The following EPS15 variants were observed in gnomAD, a reference collection of about 807,000 sequenced individuals.
EPS15 encodes the protein epidermal growth factor receptor substrate 15.
Under a neutral mutation model 113.8 loss-of-function variants are expected in EPS15, and 72 were observed. The observed-to-expected ratio is 0.63, with a 90% CI of 0.52 to 0.77. EPS15 has a LOEUF of 0.77. Among genes scored for constraint, EPS15 ranks in the 30% least tolerant of loss-of-function variants. The pLI is 0.00. For missense variants in EPS15, 1,048 were observed against 1,045.8 expected, an observed-to-expected ratio of 1.00 and a Z score of -0.03; for synonymous variants, 344 against 363.4, an observed-to-expected ratio of 0.95 and a Z score of 0.61.
intron 7 of EPS15, chr1:51,461,604 G>C (rs1305391195): frequency 6.6e-6 from 1 of 150,530 alleles, no homozygotes; most frequent in East Asian, 2.0e-4. Flanking sequence ...TAATTGCCTT[G>C]AAAGGAGTTT....
chr1:51,417,188 A>C (rs1650304690), intron 13 of EPS15, among the ~76,000 whole-genome samples: 1 of 152,202 alleles, frequency 6.6e-6, no homozygotes, highest in African/African-American at 2.4e-5. Context: ...CATCTAAGAA[A>C]AAAACTAAGT....
At chr1:51,455,272 T>C (rs533343913) in intron 8 of EPS15, among the ~76,000 whole-genome samples, 73 of 152,316 alleles carry the variant, frequency 4.8e-4, no homozygotes, top group Middle Eastern at 6.8e-3. Context: ...TTTAGATACA[T>C]TTCTAGTTTT....
At chr1:51,434,579 A>C (rs1651988289) in intron 12 of EPS15, among the ~76,000 whole-genome samples, 1 of 152,074 alleles carries the variant, frequency 6.6e-6, no homozygotes, top group Non-Finnish European at 1.5e-5. Flanking sequence ...GAGTATGGGG[A>C]GTTATTGTTT....
chr1:51,393,226 T>C (rs1647565879), intron 21 of EPS15, among the ~76,000 whole-genome samples: 1 of 135,484 alleles, frequency 7.4e-6, no homozygotes, highest in Non-Finnish European at 1.8e-5. Flanking sequence ...AGAGCCAGCC[T>C]TTTTTTTGGA....
intron 21 of EPS15, among the ~76,000 whole-genome samples, chr1:51,382,879 A>C (rs1381763625): frequency 6.6e-6 from 1 of 152,196 alleles, no homozygotes; most frequent in African/African-American, 2.4e-5. Flanking sequence ...ACAATTCCAT[A>C]CTCATTCTGT....
At chr1:51,446,578 C>T (rs1347974167) in intron 10 of EPS15, among the ~76,000 whole-genome samples, 3 of 151,964 alleles carry the variant, frequency 2.0e-5, no homozygotes, top group Admixed American at 1.3e-4. Flanking sequence ...CTCACCCTCC[C>T]GAGTAGCTGG....
intron 12 of EPS15, among the ~76,000 whole-genome samples, chr1:51,426,890 C>CAT (rs1222099162): frequency 4.6e-5 from 7 of 151,090 alleles, no homozygotes; most frequent in Admixed American, 6.6e-5. Flanking sequence ...TATACACACA[C>CAT]ATATATATAC....
intron 10 of EPS15, among the ~76,000 whole-genome samples, chr1:51,446,454 T>C (rs1378084304): frequency 9.9e-6 from 1 of 101,330 alleles, no homozygotes; most frequent in African/African-American, 5.3e-5. Flanking sequence ...ACTGTCATTC[T>C]TTTTTTTTTT....
chr1:51,426,754 C>T (rs549264459), intron 12 of EPS15, among the ~76,000 whole-genome samples: 4 of 151,530 alleles, frequency 2.6e-5, no homozygotes, highest in African/African-American at 9.7e-5. Flanking sequence ...AGCCTGCCAG[C>T]CTGTCCTAGA....
rs774906781 is a variant in EPS15, at chr1:51,481,260, AC to A, written c.75+12del. 1.5e-6 allele frequency: 2 copies of A among 1,318,492 alleles called. No individual in the cohort carries two copies. Among genetic ancestry groups the A allele is most frequent in the Non-Finnish European group, 2.2e-6 (2 of 913,158 alleles). 81.7% of individuals were successfully genotyped at this position (1,318,492 alleles called of 1,614,324 possible). A position where few individuals can be genotyped will look rare whatever the true frequency, so the allele number is the denominator to read the frequency against. On this transcript the variant is annotated intron_variant, in intron 2 of 24. Coordinates refer to ENST00000371733, the MANE Select transcript of EPS15 (RefSeq NM_001981.3). The stretch of plus-strand genomic sequence containing the variant: ...ATGTTCAATCCAGGCAAACAATGAA[AC>A]AAAAATCTTACCTGTCTATAGTATT...
chr1:51,400,234 T>C (rs1648384676), intron 19 of EPS15, among the ~76,000 whole-genome samples: 1 of 152,190 alleles, frequency 6.6e-6, no homozygotes, highest in South Asian at 2.1e-4. Flanking sequence ...TTCAAGATTC[T>C]CTGCCTCTAA....
chr1:51,380,859 T>C (rs1052650502), intron 21 of EPS15, among the ~76,000 whole-genome samples: 1 of 152,084 alleles, frequency 6.6e-6, no homozygotes, highest in Non-Finnish European at 1.5e-5. Flanking sequence ...AGATATTTCA[T>C]GCAAATAGAA....
intron 21 of EPS15, among the ~76,000 whole-genome samples, chr1:51,376,138 A>C (rs1393937724): frequency 6.6e-6 from 1 of 152,256 alleles, no homozygotes; most frequent in Non-Finnish European, 1.5e-5. Flanking sequence ...TGAAGCATCA[A>C]AGGACAGGTT....
intron 1 of EPS15, among the ~76,000 whole-genome samples, chr1:51,498,646 A>G (rs1342428111): frequency 6.6e-6 from 1 of 152,316 alleles, no homozygotes; most frequent in East Asian, 1.9e-4. Context: ...TGGGTTTATC[A>G]GGATGCAACC....
chr1:51,360,573 C>A, intron 24 of EPS15, among the ~76,000 whole-genome samples: 1 of 151,998 alleles, frequency 6.6e-6, no homozygotes, highest in East Asian at 1.9e-4. Context: ...GAATTAGGGC[C>A]CTCCAAATAA....
chr1:51,390,273 T>C (rs929021880), intron 21 of EPS15, among the ~76,000 whole-genome samples: 1 of 152,062 alleles, frequency 6.6e-6, no homozygotes, highest in Non-Finnish European at 1.5e-5. Context: ...TGTAGAAAGC[T>C]GAAACTGGAT....
rs181738331 is a variant in EPS15 at position 51,455,459 on chromosome 1, G to A, written c.561+5632C>T. Among the ~76,000 whole-genome samples the A allele has an allele frequency of 1.4e-4, 21 of 151,916 alleles. No homozygotes were observed. The East Asian group carries it at 3.7e-3, about 27-fold the overall frequency. On this transcript the variant is annotated intron_variant, in intron 8 of 24. Coordinates refer to ENST00000371733, the MANE Select transcript of EPS15 (RefSeq NM_001981.3). Reference sequence around the variant, plus strand: ...ACAAAAATTAGCCAGGCGTGGTGGCGGGCACCTGTAATCCCAGCTACTCAG... The same window carrying A: ...ACAAAAATTAGCCAGGCGTGGTGGCAGGCACCTGTAATCCCAGCTACTCAG...
chr1:51,384,443 G>A (rs1180095186), intron 21 of EPS15, among the ~76,000 whole-genome samples: 1 of 151,716 alleles, frequency 6.6e-6, no homozygotes, highest in African/African-American at 2.4e-5. Context: ...TGGGAGTACA[G>A]GTGCATGCCA....
intron 1 of EPS15, among the ~76,000 whole-genome samples, chr1:51,500,204 C>A (rs759839725): frequency 9.2e-5 from 14 of 152,198 alleles, no homozygotes; most frequent in Non-Finnish European, 1.8e-4. Flanking sequence ...TCAAAGGATA[C>A]TTGAGTTATT....
Sources: allele counts gnomAD v4.1 joint callset (sites outside exome capture counted in the v4.1 genomes callset), GRCh38; gene constraint gnomAD v4.1.1; transcripts MANE v1.5; gene names NCBI Gene and HGNC (gene_info 2026-07-23, HGNC 2026-07-21).